Variants in PDE6A observed in about 807,000 individuals in gnomAD.
PDE6A encodes the protein rod cGMP-specific 3',5'-cyclic phosphodiesterase subunit alpha.
In PDE6A, 84 loss-of-function variants were observed where a neutral mutation model predicts 106.3. That is an observed-to-expected ratio of 0.79 (90% CI 0.66 to 0.95). The LOEUF (loss-of-function observed/expected upper bound fraction) is 0.95. Among genes scored for constraint, PDE6A ranks in the 40% least tolerant of loss-of-function variants. The pLI is 0.00. For synonymous variants in PDE6A, 394 were observed against 386.6 expected (o/e 1.02, Z -0.23); for missense variants, 1,052 against 1,084.9 (o/e 0.97, Z 0.43).
chr5:149,942,471 A>G (rs906284121), intron 1 of PDE6A, among the ~76,000 whole-genome samples: 3 of 152,148 alleles, frequency 2.0e-5, no homozygotes, highest in Non-Finnish European at 4.4e-5. Flanking sequence ...ACAGGTGTGA[A>G]CTGAAGGGGG....
chr5:149,868,550 T>A (rs1760419560), intron 17 of PDE6A, among the ~76,000 whole-genome samples: 1 of 152,224 alleles, frequency 6.6e-6, no homozygotes, highest in African/African-American at 2.4e-5. Context: ...CAAGCACTGT[T>A]CCAGGGACTG....
rs1408613830 is a variant in PDE6A, at chr5:149,944,427, T to C, written c.247A>G (p.Lys83Glu). ...QTEKCIFNVM[K>E]KLCFLLQADR... The stretch of plus-strand genomic sequence containing the variant: ...GCCTGCAGGAGGAAGCACAGCTTCT[T>C]CATGACATTGAAGATGCATTTCTCT... The change falls in exon 1 of 22, where the codon AAG becomes GAG. Residue 83 changes from lysine (K) to glutamate (E), a missense_variant. Coordinates refer to ENST00000255266, the MANE Select transcript of PDE6A (RefSeq NM_000440.3). 6.2e-7 allele frequency: 1 copy of C among 1,614,052 alleles called. No individual in the cohort carries two copies. Among genetic ancestry groups the C allele is most frequent in the Non-Finnish European group, 8.5e-7 (1 of 1,180,024 alleles).
In PDE6A at chr5:149,940,505, C is replaced by CTTTTTTTTTTT. The variant is rs56930344; in HGVS notation, c.474+3694_474+3695insAAAAAAAAAAA. Among the ~76,000 whole-genome samples the CTTTTTTTTTTT allele has an allele frequency of 1.3e-3, 184 of 142,000 alleles. 5 individuals carry two copies. In the South Asian group the frequency reaches 0.014, roughly 11 times the overall value. The allele number at this position is 142,000 out of a possible 152,430, so 93.2% of individuals were successfully genotyped here. A position where few individuals can be genotyped will look rare whatever the true frequency, so the allele number is the denominator to read the frequency against. On this transcript the variant is annotated intron_variant, in intron 1 of 21. Transcript: ENST00000255266. ...AGACCAAAAGATACCTGTTTGAATC[C>CTTTTTTTTTTT]TTTTTTTTTTGGAGACAGTTTTGCT...
At chr5:149,903,735 C>T (rs775435146) in intron 7 of PDE6A, 40 bp from the exon 8 acceptor site, 1 of 1,526,906 alleles carries the variant, frequency 6.5e-7, no homozygotes, top group South Asian at 1.1e-5. Context: ...TGTGATTAGG[C>T]CTGAGAGGGT....
chr5:149,940,633 G>T (rs1041324978), intron 1 of PDE6A, among the ~76,000 whole-genome samples: 3 of 151,828 alleles, frequency 2.0e-5, no homozygotes, highest in Admixed American at 2.0e-4. Context: ...GAGTAGCTGG[G>T]ATTACAGGCA....
At chr5:149,887,133 A>G (rs147928468) in intron 13 of PDE6A, among the ~76,000 whole-genome samples, 2 of 152,360 alleles carry the variant, frequency 1.3e-5, no homozygotes, top group Non-Finnish European at 2.9e-5. Context: ...AGTGAAAAAT[A>G]CGAACACAAA....
chr5:149,919,243 G>T (rs916784966), intron 5 of PDE6A, among the ~76,000 whole-genome samples: 1 of 151,994 alleles, frequency 6.6e-6, no homozygotes, highest in African/African-American at 2.4e-5. Context: ...GCGGTGGCTC[G>T]CGCCTGTAAT....
intron 5 of PDE6A, among the ~76,000 whole-genome samples, chr5:149,918,117 A>T (rs1753606955): frequency 6.6e-6 from 1 of 152,250 alleles, no homozygotes; most frequent in Non-Finnish European, 1.5e-5. Flanking sequence ...AGATCAAAAC[A>T]GACATATTAT....
intron 13 of PDE6A, among the ~76,000 whole-genome samples, chr5:149,891,466 T>C (rs553587679): frequency 1.3e-5 from 2 of 152,264 alleles, no homozygotes. Context: ...CGAGATTCCA[T>C]TTCAAAATAA....
chr5:149,897,673 T>C (rs1046863027), intron 10 of PDE6A, among the ~76,000 whole-genome samples: 2 of 152,296 alleles, frequency 1.3e-5, no homozygotes, highest in African/African-American at 4.8e-5. Context: ...TTGACCTCCA[T>C]GGGCTCAGGT....
At chr5:149,862,657 C>T (rs1760185740) in intron 21 of PDE6A, among the ~76,000 whole-genome samples, 1 of 152,192 alleles carries the variant, frequency 6.6e-6, no homozygotes, top group African/African-American at 2.4e-5. Context: ...ACTCAGGAAG[C>T]TGAGGCGGAA....
chr5:149,886,224 T>C, intron 14 of PDE6A, 41 bp downstream of exon 14: 5 of 1,413,380 alleles, frequency 3.5e-6, no homozygotes, highest in Middle Eastern at 1.7e-4. Context: ...AGCTGGATAA[T>C]GAATCCGGAG....
At chr5:149,868,850 A>G (rs950665903) in intron 17 of PDE6A, among the ~76,000 whole-genome samples, 1 of 152,188 alleles carries the variant, frequency 6.6e-6, no homozygotes, top group African/African-American at 2.4e-5. Context: ...CCATTTTTCT[A>G]TCAGTCAGTT....
At chr5:149,883,328 A>C (rs1367022536) in intron 17 of PDE6A, 101 bp downstream of exon 17, 1 of 797,010 alleles carries the variant, frequency 1.3e-6, no homozygotes, top group African/African-American at 1.7e-5. Flanking sequence ...TCCAAAATGA[A>C]ATAGTCCCAA....
Position 149,862,990 on chromosome 5 carries a change from G to C in PDE6A, c.2506+129C>G, listed in dbSNP as rs1293774932. 4.4e-6 allele frequency: 5 copies of C among 1,137,498 alleles called. No individual in the cohort carries two copies. The African/African-American group carries it at 6.1e-5, about 14-fold the overall frequency. 70.5% of individuals were successfully genotyped at this position (1,137,498 alleles called of 1,614,324 possible). A position where few individuals can be genotyped will look rare whatever the true frequency, so the allele number is the denominator to read the frequency against. On this transcript the variant is annotated intron_variant, in intron 21 of 21. Transcript: ENST00000255266. ...TCCAGCCTTGGTGCTCTCACACACAGAATGGGGACAGTATTGGCCATCAGG... is the reference window on the plus strand; with the variant it reads ...TCCAGCCTTGGTGCTCTCACACACACAATGGGGACAGTATTGGCCATCAGG...
intron 9 of PDE6A, 82 bp downstream of exon 9, chr5:149,899,293 T>A: frequency 2.1e-6 from 3 of 1,417,836 alleles, no homozygotes; most frequent in Admixed American, 1.7e-5. Context: ...TGCTGCCCCA[T>A]GTGATAGCGC....
At chr5:149,907,863 A>T (rs1753251181) in intron 6 of PDE6A, among the ~76,000 whole-genome samples, 4 of 151,922 alleles carry the variant, frequency 2.6e-5, no homozygotes, top group Admixed American at 2.0e-4. Context: ...ACACATAAAC[A>T]AGCATTAAAA....
At chr5:149,888,849 C>T (rs200389343) in intron 13 of PDE6A, among the ~76,000 whole-genome samples, 12 of 151,528 alleles carry the variant, frequency 7.9e-5, no homozygotes, top group African/African-American at 2.2e-4. Flanking sequence ...TTTGGGAGGC[C>T]GAGGCGGGCG....
chr5:149,921,640 C>A lies in PDE6A; in HGVS notation c.928G>T (p.Gly310Ter). 6.2e-7 allele frequency: 1 copy of A among 1,612,238 alleles called. No individual in the cohort carries two copies. The highest frequency in any genetic ancestry group is 8.5e-7 in the Non-Finnish European group (1 of 1,178,320). Residue 310 changes from glycine (G) to a stop codon, truncating the protein, a stop_gained, in exon 5 of 22, where the codon GGA becomes TGA. Coordinates refer to ENST00000255266, the MANE Select transcript of PDE6A (RefSeq NM_000440.3). LOFTEE classifies it high-confidence loss of function. ...AAAGGTCAGAGAGAACGTACTCTTC[C>A]ATCCGGAGTCCTGGGACCAGAGTAA... Reference protein sequence around the residue: ...PPYSGPRTPDGREINFYKVID... With the variant: ...PPYSGPRTPD
Sources: gnomAD v4.1 joint callset for allele counts (sites outside exome capture counted in the v4.1 genomes callset) on GRCh38, gnomAD v4.1.1 for gene constraint, MANE v1.5 for transcripts, NCBI Gene and HGNC (gene_info 2026-07-23, HGNC 2026-07-21) for gene names.